GALNTL6: variants seen among roughly 807,000 people sequenced by gnomAD.
GALNTL6 encodes polypeptide N-acetylgalactosaminyltransferase-like 6.
GALNTL6 carries 46 observed loss-of-function variants against 73.7 expected under a neutral mutation model. The observed-to-expected ratio is 0.62, with a 90% CI of 0.49 to 0.80. The LOEUF is 0.80. Among genes scored for constraint, GALNTL6 ranks in the 30% least tolerant of loss-of-function variants. GALNTL6 has a pLI of 0.00. For synonymous variants in GALNTL6, 259 were observed against 263.7 expected, an observed-to-expected ratio of 0.98 and a Z score of 0.17; for missense variants, 604 against 755.0, an observed-to-expected ratio of 0.80 and a Z score of 2.34.
chr4:172,785,447 A>G (rs1350247293), intron 5 of GALNTL6, among the ~76,000 whole-genome samples: 1 of 152,136 alleles, frequency 6.6e-6, no homozygotes, highest in Non-Finnish European at 1.5e-5. Flanking sequence ...TAAAAATATG[A>G]TCATAAACCT....
intron 5 of GALNTL6, among the ~76,000 whole-genome samples, chr4:172,543,109 C>G (rs1185948330): frequency 6.6e-6 from 1 of 151,792 alleles, no homozygotes; most frequent in Non-Finnish European, 1.5e-5. Context: ...AGAAAAGGAA[C>G]AGCTGTGCTA....
In GALNTL6 at chr4:172,518,895, G is replaced by T. The variant is rs117455196; in HGVS notation, c.553+170206G>T. Among the ~76,000 whole-genome samples the T allele has an allele frequency of 8.6e-3, 1,301 of 151,764 alleles. 13 individuals carry two copies. The highest frequency in any genetic ancestry group is 0.039 in the East Asian group (203 of 5,176). On this transcript the variant is annotated intron_variant, in intron 5 of 12. Transcript: ENST00000506823. The stretch of plus-strand genomic sequence containing the variant: ...GAGTGTAGGAAATAAAGACACTAAG[G>T]TTTCATTTTCTAAACTATTTTCCTA...
chr4:172,828,617 T>A (rs530159044), intron 7 of GALNTL6, among the ~76,000 whole-genome samples: 1 of 152,168 alleles, frequency 6.6e-6, no homozygotes, highest in Non-Finnish European at 1.5e-5. Context: ...GAAACAAAGA[T>A]ACTTATTTTA....
intron 2 of GALNTL6, among the ~76,000 whole-genome samples, chr4:171,990,912 T>C (rs1400054713): frequency 1.3e-5 from 2 of 152,194 alleles, no homozygotes; most frequent in Admixed American, 1.3e-4. Flanking sequence ...CAACAAGCTC[T>C]GGCTGTCTTG....
At chr4:171,881,824 G>A (rs982972932) in intron 2 of GALNTL6, among the ~76,000 whole-genome samples, 1 of 152,178 alleles carries the variant, frequency 6.6e-6, no homozygotes, top group Non-Finnish European at 1.5e-5. Context: ...CCTTAGAAGT[G>A]AGTAGCTGTA....
intron 2 of GALNTL6, among the ~76,000 whole-genome samples, chr4:172,008,652 T>C (rs566612807): frequency 6.6e-6 from 1 of 152,230 alleles, no homozygotes; most frequent in South Asian, 2.1e-4. Context: ...CAAAACCGTT[T>C]TGTTTCCACA....
At chr4:173,033,256 G>A (rs1307163990) in intron 12 of GALNTL6, among the ~76,000 whole-genome samples, 1 of 151,994 alleles carries the variant, frequency 6.6e-6, no homozygotes, top group African/African-American at 2.4e-5. Flanking sequence ...ACCCGCCTCG[G>A]CCTCCCAAGG....
intron 12 of GALNTL6, among the ~76,000 whole-genome samples, chr4:173,032,406 G>A (rs1048505347): frequency 4.6e-5 from 7 of 151,372 alleles, no homozygotes; most frequent in Admixed American, 6.6e-5. Flanking sequence ...AGCCGAGATC[G>A]TGCCACTGCA....
intron 7 of GALNTL6, among the ~76,000 whole-genome samples, chr4:172,880,820 T>C (rs1338979633): frequency 6.6e-6 from 1 of 152,176 alleles, no homozygotes; most frequent in Non-Finnish European, 1.5e-5. Context: ...GAAGATCCAT[T>C]TGAATTTATG....
At chr4:171,866,037 TAA>T (rs1491463111) in intron 2 of GALNTL6, among the ~76,000 whole-genome samples, 2 of 152,212 alleles carry the variant, frequency 1.3e-5, no homozygotes, top group African/African-American at 4.8e-5. Context: ...AAACTCCCAC[TAA>T]AAAGAGACTT....
At chr4:172,782,527 A>G (rs910607589) in intron 5 of GALNTL6, among the ~76,000 whole-genome samples, 2 of 152,172 alleles carry the variant, frequency 1.3e-5, no homozygotes, top group African/African-American at 4.8e-5. Context: ...AAAATGGTAG[A>G]GAAAGTTTTT....
At chr4:172,677,322 T>A (rs1313220013) in intron 5 of GALNTL6, among the ~76,000 whole-genome samples, 1 of 152,200 alleles carries the variant, frequency 6.6e-6, no homozygotes, top group Non-Finnish European at 1.5e-5. Flanking sequence ...TCTGACCCAA[T>A]TCGGCACTGC....
intron 2 of GALNTL6, among the ~76,000 whole-genome samples, chr4:171,899,658 G>A (rs966623461): frequency 2.0e-5 from 3 of 152,020 alleles, no homozygotes; most frequent in African/African-American, 4.8e-5. Context: ...TATACACATA[G>A]AACAAAGACT....
chr4:172,387,150 T>G (rs1743502829), intron 5 of GALNTL6, among the ~76,000 whole-genome samples: 1 of 152,120 alleles, frequency 6.6e-6, no homozygotes. Context: ...CCAAATAACC[T>G]TCTATGGGAG....
rs150474123 is a variant in GALNTL6, at chr4:172,989,821, G to T, written c.1372-19357G>T. Among the ~76,000 whole-genome samples, 347 of 152,248 alleles carry T rather than the reference G, an allele frequency of 2.3e-3. 1 individual carries two copies. Among genetic ancestry groups the T allele is most frequent in the Middle Eastern group, 0.02 (6 of 294 alleles). ...TTTCTTATAAATTATCCAGTTTCAGGTATTTCTTTATAGCAGTGCAAGAAT... is the reference window on the plus strand; with the variant it reads ...TTTCTTATAAATTATCCAGTTTCAGTTATTTCTTTATAGCAGTGCAAGAAT... On this transcript the variant is annotated intron_variant, in intron 10 of 12. Transcript: ENST00000506823.
chr4:172,204,593 G>A (rs987624611), intron 2 of GALNTL6, among the ~76,000 whole-genome samples: 2 of 152,118 alleles, frequency 1.3e-5, no homozygotes, highest in African/African-American at 4.8e-5. Context: ...TATTAAGGGT[G>A]TTTCCTTTCA....
chr4:172,755,350 G>C (rs981158198), intron 5 of GALNTL6, among the ~76,000 whole-genome samples: 1 of 150,414 alleles, frequency 6.6e-6, no homozygotes, highest in African/African-American at 2.4e-5. Context: ...AAATTCACTT[G>C]CCGAATACCA....
chr4:172,364,063 T>C (rs1333795339), intron 5 of GALNTL6, among the ~76,000 whole-genome samples: 1 of 152,202 alleles, frequency 6.6e-6, no homozygotes, highest in Admixed American at 6.5e-5. Context: ...GTATTAATTA[T>C]TTTAAACATG....
At position 172,579,043 on chromosome 4, in the gene GALNTL6, T is replaced by C. The variant is rs746178547; in HGVS notation, c.554-230318T>C. ...CTTGAGTGGTGACAATCTGATTTTG[T>C]GAAAACTAACAACTGGCATCTTCCC... is the stretch of plus-strand genomic sequence containing the variant. On this transcript the variant is annotated intron_variant, in intron 5 of 12. Coordinates refer to ENST00000506823, the MANE Select transcript of GALNTL6 (RefSeq NM_001034845.3). Among the ~76,000 whole-genome samples, 3 of 152,286 alleles carry C rather than the reference T, an allele frequency of 2.0e-5. No homozygotes were observed. The South Asian group carries it at 6.2e-4, about 32-fold the overall frequency.
Sources: allele counts gnomAD v4.1 joint callset (sites outside exome capture counted in the v4.1 genomes callset), GRCh38; gene constraint gnomAD v4.1.1; transcripts MANE v1.5; gene names NCBI Gene and HGNC (gene_info 2026-07-23, HGNC 2026-07-21).